POGLUT1: variants seen among roughly 807,000 people sequenced by gnomAD.
The protein encoded by POGLUT1 is protein O-glucosyltransferase 1, also known as 9630046K23Rik.
In POGLUT1, 32 loss-of-function variants were observed where a neutral mutation model predicts 61.3. The observed-to-expected ratio is 0.52, with a 90% CI of 0.39 to 0.70. The LOEUF (loss-of-function observed/expected upper bound fraction) is 0.70. POGLUT1 is among the 30% of genes least tolerant of loss of function. The pLI is 0.00. For missense variants in POGLUT1, 411 were observed against 469.8 expected, an observed-to-expected ratio of 0.87 and a Z score of 1.16; for synonymous variants, 158 against 158.2, an observed-to-expected ratio of 1.00 and a Z score of 0.01.
chr3:119,472,585 G>A (rs887709249), intron 3 of POGLUT1, among the ~76,000 whole-genome samples: 21 of 152,156 alleles, frequency 1.4e-4, no homozygotes, highest in African/African-American at 4.8e-4. Flanking sequence ...CTGTGGTGGC[G>A]CATGCCTGTA....
At position 119,480,083 on chromosome 3, in the gene POGLUT1, T is replaced by C. The variant is rs1489024391; in HGVS notation, c.489T>C (p.Ala163=). The change falls in exon 5 of 11, where the codon GCT becomes GCC. Residue 163 remains alanine (A), a synonymous_variant. Transcript: ENST00000295588. ...AGTACCATGATATCATGTATCCTGC[T>C]TGGACATTTTGGGAAGGGGGACCTG... ...TSEYHDIMYP[A]WTFWEGGPAV... 1 of 1,613,342 alleles carries C rather than the reference T, an allele frequency of 6.2e-7. No individual in the cohort carries two copies. The highest frequency in any genetic ancestry group is 1.1e-5 in the South Asian group (1 of 90,878).
intron 3 of POGLUT1, among the ~76,000 whole-genome samples, chr3:119,475,954 CCACACACACACACACACACA>C (rs539140166): frequency 7.6e-6 from 1 of 130,852 alleles, no homozygotes; most frequent in Non-Finnish European, 1.6e-5. Flanking sequence ...GACTGTCTCT[CCACACACACACACACACACA>C]CACACACACA....
chr3:119,469,442 C>G (rs1030979905), intron 1 of POGLUT1, among the ~76,000 whole-genome samples: 1 of 152,226 alleles, frequency 6.6e-6, no homozygotes, highest in Non-Finnish European at 1.5e-5. Context: ...GTCGTGCGCG[C>G]GAGCGTGTGT....
At position 119,471,380 on chromosome 3, in the gene POGLUT1, G is replaced by A. The variant is rs770097304; in HGVS notation, c.248G>A (p.Arg83Gln). The A allele has an allele frequency of 3.1e-5, 50 of 1,613,676 alleles. No individual in the cohort carries two copies. The highest frequency in any genetic ancestry group is 4.0e-5 in the Non-Finnish European group (47 of 1,179,734). Residue 83 changes from arginine (R) to glutamine (Q), a missense_variant, in exon 3 of 11, where the codon CGG becomes CAG. By Grantham distance (43) the Arg-to-Gln change is conservative. Coordinates refer to ENST00000295588, the MANE Select transcript of POGLUT1 (RefSeq NM_152305.3). ...AAGATGATGGCAGAGGTAGTCAGAC[G>A]GAAGCTAGGGACCCACTATCAGATC... ...SRKMMAEVVR[R>Q]KLGTHYQITK... is the part of the protein sequence containing the mutation.
chr3:119,475,617 A>C (rs2081525525), intron 3 of POGLUT1, among the ~76,000 whole-genome samples: 4 of 152,188 alleles, frequency 2.6e-5, no homozygotes, highest in Admixed American at 2.6e-4. Flanking sequence ...GTTCAAGACC[A>C]GCCTGGCCAA....
chr3:119,472,930 C>T (rs1045686777), intron 3 of POGLUT1, among the ~76,000 whole-genome samples: 2 of 152,072 alleles, frequency 1.3e-5, no homozygotes, highest in South Asian at 2.1e-4. Flanking sequence ...ACTTGGGAGG[C>T]TGAAGTGAGT....
rs1175589172 is a variant in POGLUT1 at position 119,471,312 on chromosome 3, CATAGAAGAGG to C, written c.183_192del (p.Glu62Ter). Reference sequence around the variant, plus strand: ...GATGACTCCCATTCTTTCCCAGTGTCATAGAAGAGGATCTAACTCCTTTCCGAGGAGGCAT... The same window carrying C: ...GATGACTCCCATTCTTTCCCAGTGTCATCTAACTCCTTTCCGAGGAGGCAT... On this transcript the variant is annotated frameshift_variant, in exon 3 of 11. Transcript: ENST00000295588. LOFTEE classifies it high-confidence loss of function. The C allele has an allele frequency of 1.9e-6, 3 of 1,613,892 alleles. No homozygotes were observed. Among genetic ancestry groups the C allele is most frequent in the Admixed American group, 1.7e-5 (1 of 60,016 alleles).
chr3:119,469,965 A>G, intron 2 of POGLUT1, 55 bp downstream of exon 2: 2 of 1,009,258 alleles, frequency 2.0e-6, no homozygotes, highest in South Asian at 2.6e-5. Flanking sequence ...CACAGGAAGT[A>G]TTCTAACATC....
chr3:119,478,981 G>A (rs1319269171), intron 4 of POGLUT1, among the ~76,000 whole-genome samples: 1 of 151,696 alleles, frequency 6.6e-6, no homozygotes, highest in African/African-American at 2.4e-5. Context: ...CTGGAGTGCA[G>A]TGGCGCGATC....
In POGLUT1 at chr3:119,493,109, T is replaced by C. The variant is rs966776183; in HGVS notation, c.*671T>C. On this transcript the variant is annotated 3_prime_UTR_variant, in exon 11 of 11. Coordinates refer to ENST00000295588, the MANE Select transcript of POGLUT1 (RefSeq NM_152305.3). ...AATTGGATTTCAGGTTCCCTTTTTG[T>C]GCCTTCATGCCCTACTTCTTAATGC... 1.2e-4 allele frequency: 18 copies of C among 148,734 alleles called. No homozygotes were observed. Among genetic ancestry groups the C allele is most frequent in the African/African-American group, 4.3e-4 (17 of 39,810 alleles). 9.2% of individuals were successfully genotyped at this position (148,734 alleles called of 1,614,324 possible). A position where few individuals can be genotyped will look rare whatever the true frequency, so the allele number is the denominator to read the frequency against.
chr3:119,475,987 CACACACAA>C (rs1293680424), intron 3 of POGLUT1, among the ~76,000 whole-genome samples: 2 of 130,580 alleles, frequency 1.5e-5, no homozygotes, highest in African/African-American at 6.3e-5. Context: ...CACACACACA[CACACACAA>C]ACACATACAG....
intron 6 of POGLUT1, among the ~76,000 whole-genome samples, 174 bp from the exon 7 acceptor site, chr3:119,486,659 A>G (rs767806095): frequency 2.0e-5 from 3 of 152,180 alleles, no homozygotes; most frequent in Non-Finnish European, 4.4e-5. Context: ...CCAGCCCTGG[A>G]TGACCTAGAT....
rs748103545 is a variant in POGLUT1 at position 119,471,358 on chromosome 3, A to T, written c.226A>T (p.Met76Leu). 1 of 1,613,928 alleles carries T rather than the reference A, an allele frequency of 6.2e-7. No homozygotes were observed. The highest frequency in any genetic ancestry group is 1.7e-5 in the Admixed American group (1 of 60,032). Reference sequence around the variant, plus strand: ...TTTCCGAGGAGGCATCTCCAGGAAGATGATGGCAGAGGTAGTCAGACGGAA... The same window carrying T: ...TTTCCGAGGAGGCATCTCCAGGAAGTTGATGGCAGAGGTAGTCAGACGGAA... ...TPFRGGISRK[M>L]MAEVVRRKLG... The change falls in exon 3 of 11, where the codon ATG becomes TTG. Residue 76 changes from methionine to leucine, a missense_variant. By Grantham distance (15) the Met-to-Leu change is conservative. Transcript: ENST00000295588.
chr3:119,470,032 G>T, intron 2 of POGLUT1, 122 bp downstream of exon 2: 1 of 670,124 alleles, frequency 1.5e-6, no homozygotes, highest in South Asian at 1.7e-5. Context: ...CTATTTCTGG[G>T]GAATAAAAAT....
chr3:119,484,246 A>G (rs2081638948), intron 5 of POGLUT1, among the ~76,000 whole-genome samples: 1 of 152,202 alleles, frequency 6.6e-6, no homozygotes, highest in South Asian at 2.1e-4. Context: ...AATGAGCAGC[A>G]TGACATTATA....
In POGLUT1 at chr3:119,490,176, G is replaced by A. The variant is rs113432821; in HGVS notation, c.798-375G>A. The A allele has an allele frequency of 5.7e-4, 100 of 175,034 alleles. 1 individual carries two copies. The highest frequency in any genetic ancestry group is 1.9e-3 in the African/African-American group (81 of 42,204). 10.8% of individuals were successfully genotyped at this position (175,034 alleles called of 1,614,324 possible). ...AAAGCTTGTGAAATTTTTTTCACTC[G>A]TTTTATTTTATGTTTACCATTGAAC... is the stretch of plus-strand genomic sequence containing the variant. On this transcript the variant is annotated intron_variant, in intron 8 of 10. Coordinates refer to ENST00000295588, the MANE Select transcript of POGLUT1 (RefSeq NM_152305.3).
rs2081668528 is a variant in POGLUT1 at position 119,486,726 on chromosome 3, T to C, written c.639-107T>C. On this transcript the variant is annotated intron_variant, in intron 6 of 10. Transcript: ENST00000295588. ...GTCACGTCACCAGTGAATTGTCCAC[T>C]TGTGCAGAGTCATTGCATTGGGTCC... 1.0e-5 allele frequency: 8 copies of C among 782,054 alleles called. No homozygotes were observed. The Admixed American group carries it at 1.3e-4, about 12-fold the overall frequency. The allele number at this position is 782,054 out of a possible 1,614,324, so 48.4% of individuals were successfully genotyped here.
chr3:119,477,265 A>G (rs2081548321), intron 3 of POGLUT1, 48 bp from the exon 4 acceptor site: 1 of 1,592,534 alleles, frequency 6.3e-7, no homozygotes, highest in Non-Finnish European at 8.6e-7. Context: ...CTTGTCCTAG[A>G]GCCTGCAGGC....
At chr3:119,478,902 AAAGGGGGGAAC>A (rs2081573887) in intron 4 of POGLUT1, among the ~76,000 whole-genome samples, 1 of 131,378 alleles carries the variant, frequency 7.6e-6, no homozygotes, top group Non-Finnish European at 1.6e-5. Context: ...AAAAAAAAAA[AAAGGGGGGAAC>A]ATATGGCTTT....
Sources: allele counts gnomAD v4.1 joint callset (sites outside exome capture counted in the v4.1 genomes callset), GRCh38; gene constraint gnomAD v4.1.1; transcripts MANE v1.5; gene names NCBI Gene and HGNC (gene_info 2026-07-23, HGNC 2026-07-21).